ABCA10: variants seen among roughly 807,000 people sequenced by gnomAD.
ABCA10 encodes ATP-binding cassette sub-family A member 10.
A neutral mutation model predicts 187.5 loss-of-function variants in ABCA10; 169 were observed. The observed-to-expected ratio is 0.90, with a 90% CI of 0.80 to 1.02. The LOEUF (loss-of-function observed/expected upper bound fraction) is 1.02. Among genes scored for constraint, ABCA10 ranks in the 50% least tolerant of loss-of-function variants. The pLI, the probability that ABCA10 is intolerant of heterozygous loss-of-function variation, is 0.00. For synonymous variants in ABCA10, 574 were observed against 601.8 expected (o/e 0.95, Z 0.68); for missense variants, 1,727 against 1,812.4 (o/e 0.95, Z 0.86).
chr17:69,206,232 C>T (rs1347001716), intron 9 of ABCA10, among the ~76,000 whole-genome samples: 6 of 152,124 alleles, frequency 3.9e-5, no homozygotes, highest in Non-Finnish European at 8.8e-5. Context: ...TAGAATAATA[C>T]TTTTCTTTTA....
rs983576032 is a variant in ABCA10 at position 69,191,461 on chromosome 17, C to A, written c.1872-146G>T. On this transcript the variant is annotated intron_variant, in intron 16 of 38. Transcript: ENST00000690296. ...AATTGGTTCCTGCAAATCAGATACT[C>A]CACTTCAAATTGCTAATTCAACTTC... The A allele has an allele frequency of 1.3e-5, 11 of 851,820 alleles. No individual in the cohort carries two copies. In the African/African-American group the frequency reaches 1.9e-4, roughly 15 times the overall value. The allele number at this position is 851,820 out of a possible 1,614,324, so 52.8% of individuals were successfully genotyped here. A position where few individuals can be genotyped will look rare whatever the true frequency, so the allele number is the denominator to read the frequency against.
chr17:69,196,748 C>T lies in ABCA10; in HGVS notation c.1234+316G>A, dbSNP rs182119032. ...ACTGAGCACTGAGTGAGCGAGACTC[C>T]GTCTGCAATCCCAGCACCTCGCGAG... On this transcript the variant is annotated intron_variant, in intron 11 of 38. Coordinates refer to ENST00000690296, the MANE Select transcript of ABCA10 (RefSeq NM_001377321.1). Among the ~76,000 whole-genome samples the T allele has an allele frequency of 4.3e-3, 662 of 152,320 alleles. 3 individuals are homozygous for T. Among genetic ancestry groups the T allele is most frequent in the African/African-American group, 0.015 (619 of 41,560 alleles).
intron 8 of ABCA10, chr17:69,215,451 C>G (rs1236329934): frequency 5.7e-6 from 1 of 176,858 alleles, no homozygotes; most frequent in African/African-American, 2.4e-5. Context: ...GTGACTTGCC[C>G]AGTGTCACCA....
At chr17:69,161,398 C>T (rs894166656) in intron 27 of ABCA10, among the ~76,000 whole-genome samples, 7 of 152,150 alleles carry the variant, frequency 4.6e-5, no homozygotes, top group East Asian at 1.9e-4. Flanking sequence ...TTTTATGTTA[C>T]GTGTCTTTTT....
chr17:69,175,284 T>C (rs2074325926), intron 23 of ABCA10, 122 bp downstream of exon 23: 2 of 772,756 alleles, frequency 2.6e-6, no homozygotes, highest in Non-Finnish European at 4.1e-6. Flanking sequence ...TGATATTAGA[T>C]TGTAATGTAT....
chr17:69,189,655 G>A (rs2074445853), intron 18 of ABCA10, among the ~76,000 whole-genome samples: 1 of 152,052 alleles, frequency 6.6e-6, no homozygotes, highest in African/African-American at 2.4e-5. Context: ...ATAGTCTTAG[G>A]TTTTACATTT....
intron 8 of ABCA10, among the ~76,000 whole-genome samples, chr17:69,215,284 A>G (rs112454559): frequency 4.2e-4 from 64 of 152,374 alleles, no homozygotes; most frequent in Middle Eastern, 3.4e-3. Context: ...AAAACTAGAA[A>G]GATAATAATG....
chr17:69,233,382 T>C (rs2074844113), upstream of ABCA10: 1 of 152,224 alleles, frequency 6.6e-6, no homozygotes, highest in Admixed American at 6.5e-5. Flanking sequence ...GCTCCCTGTA[T>C]TTTTCAACTC....
chr17:69,216,164 A>T, intron 7 of ABCA10, 53 bp downstream of exon 7: 1 of 1,562,740 alleles, frequency 6.4e-7, no homozygotes, highest in Non-Finnish European at 8.7e-7. Flanking sequence ...TTATTTGCTC[A>T]TGTATCTGTA....
chr17:69,219,466 G>C (rs1402115850), intron 6 of ABCA10, 79 bp downstream of exon 6: 2 of 1,066,040 alleles, frequency 1.9e-6, no homozygotes, highest in African/African-American at 3.2e-5. Context: ...ACTTGTGAGT[G>C]CGTCCAATTT....
intron 19 of ABCA10, among the ~76,000 whole-genome samples, chr17:69,187,247 T>C (rs2074428753): frequency 6.6e-6 from 1 of 152,146 alleles, no homozygotes; most frequent in Non-Finnish European, 1.5e-5. Context: ...ATTTCCACCA[T>C]ATATTTCATA....
chr17:69,225,928 G>A (rs1379489522), intron 2 of ABCA10, among the ~76,000 whole-genome samples: 1 of 151,920 alleles, frequency 6.6e-6, no homozygotes, highest in African/African-American at 2.4e-5. Context: ...GATGATAAAG[G>A]GATGACTTAA....
At chr17:69,152,329 G>A in intron 35 of ABCA10, 33 bp downstream of exon 35, 4 of 1,603,736 alleles carry the variant, frequency 2.5e-6, no homozygotes, top group Non-Finnish European at 3.4e-6. Context: ...ATAAGAACAT[G>A]CTAGTCCCAT....
intron 22 of ABCA10, among the ~76,000 whole-genome samples, chr17:69,177,061 T>C (rs994478998): frequency 3.9e-5 from 6 of 152,196 alleles, no homozygotes; most frequent in Admixed American, 3.3e-4. Context: ...TCCCAAAGTA[T>C]GCATTATCTC....
At chr17:69,224,633 C>CAT (rs2074778678) in intron 3 of ABCA10, among the ~76,000 whole-genome samples, 1 of 145,208 alleles carries the variant, frequency 6.9e-6, no homozygotes, top group Non-Finnish European at 1.5e-5. Flanking sequence ...CAGCATCCTA[C>CAT]ATAACATAGA....
At chr17:69,157,388 CTA>C (rs1186519730) in intron 27 of ABCA10, among the ~76,000 whole-genome samples, 1 of 152,074 alleles carries the variant, frequency 6.6e-6, no homozygotes, top group Non-Finnish European at 1.5e-5. Context: ...CACTCTTTCT[CTA>C]ATAAAGGATG....
intron 1 of ABCA10, chr17:69,233,874 C>T (rs1193563040): frequency 6.6e-6 from 1 of 152,162 alleles, no homozygotes; most frequent in Non-Finnish European, 1.5e-5. Context: ...CCAGATAGAC[C>T]TGGGGAAGAC....
chr17:69,154,396 G>T, intron 30 of ABCA10, 70 bp from the exon 31 acceptor site: 3 of 1,069,476 alleles, frequency 2.8e-6, no homozygotes, highest in South Asian at 1.6e-5. Flanking sequence ...TTGGTTGGTT[G>T]CATAACATTT....
chr17:69,221,958 C>T (rs1288733323), intron 4 of ABCA10, 63 bp from the exon 5 acceptor site: 1 of 1,288,732 alleles, frequency 7.8e-7, no homozygotes, highest in Non-Finnish European at 1.1e-6. Flanking sequence ...GGAATTAAAA[C>T]TTTAACTTTG....
Sources: allele counts gnomAD v4.1 joint callset (sites outside exome capture counted in the v4.1 genomes callset), GRCh38; gene constraint gnomAD v4.1.1; transcripts MANE v1.5; gene names NCBI Gene and HGNC (gene_info 2026-07-23, HGNC 2026-07-21).